The following FAF2 variants were observed in gnomAD, a reference collection of about 807,000 sequenced individuals.
The protein encoded by FAF2 is Fas associated factor family member 2, also known as FAS-associated factor 2.
In FAF2, 9 loss-of-function variants were observed where a neutral mutation model predicts 62.3. The ratio of observed to expected loss-of-function variants is 0.14; its 90% confidence interval spans 0.09 to 0.25. The LOEUF (loss-of-function observed/expected upper bound fraction) is 0.25. Among genes scored for constraint, FAF2 ranks in the 10% least tolerant of loss-of-function variants. The pLI is 1.00. For missense variants in FAF2, 368 were observed against 556.2 expected (o/e 0.66, Z 3.40); for synonymous variants, 202 against 198.0 (o/e 1.02, Z -0.17).
intron 1 of FAF2, among the ~76,000 whole-genome samples, chr5:176,466,848 C>G (rs1403920507): frequency 6.6e-6 from 1 of 152,214 alleles, no homozygotes. Flanking sequence ...ACACACTTCC[C>G]CAGTCTCCCC....
chr5:176,465,602 G>T (rs1299251729), intron 1 of FAF2, among the ~76,000 whole-genome samples: 1 of 151,842 alleles, frequency 6.6e-6, no homozygotes, highest in African/African-American at 2.4e-5. Flanking sequence ...CCTGACCTCA[G>T]GTGATCTGCC....
At chr5:176,501,813 G>T (rs1002044489) in intron 10 of FAF2, among the ~76,000 whole-genome samples, 1 of 152,152 alleles carries the variant, frequency 6.6e-6, no homozygotes, top group African/African-American at 2.4e-5. Flanking sequence ...GATTGCAGTG[G>T]CACTGTCGCA....
At chr5:176,477,159 A>T (rs1219879471) in intron 1 of FAF2, among the ~76,000 whole-genome samples, 1 of 121,968 alleles carries the variant, frequency 8.2e-6, no homozygotes, top group Non-Finnish European at 1.6e-5. Flanking sequence ...GTTAGCCAGG[A>T]TGGTCTGGAT....
intron 2 of FAF2, among the ~76,000 whole-genome samples, chr5:176,485,296 G>A (rs942615112): frequency 6.6e-6 from 1 of 152,162 alleles, no homozygotes; most frequent in Non-Finnish European, 1.5e-5. Context: ...GATTTGTTTG[G>A]CTGCCCACAT....
chr5:176,480,569 T>A (rs913645780), intron 2 of FAF2, among the ~76,000 whole-genome samples: 17 of 151,950 alleles, frequency 1.1e-4, no homozygotes, highest in African/African-American at 4.1e-4. Flanking sequence ...TGTAACACCA[T>A]GCCCAGCTGA....
rs1191002824 is a variant in FAF2, at chr5:176,499,091, G to A, written c.1011+6G>A. ...CAGAGGAGAGACGGCGGCAGGTAAT[G>A]GACGTGTGGCTTTACTCCCTGTGGT... On this transcript the variant is annotated splice_donor_region_variant and intron_variant, in intron 9 of 10. Coordinates refer to ENST00000261942, the MANE Select transcript of FAF2 (RefSeq NM_014613.3). The A allele has an allele frequency of 2.6e-6, 4 of 1,567,494 alleles. No individual in the cohort carries two copies. In the African/African-American group the frequency reaches 4.1e-5, roughly 16 times the overall value.
At chr5:176,489,586 A>C (rs1003638108) in intron 4 of FAF2, among the ~76,000 whole-genome samples, 4 of 152,036 alleles carry the variant, frequency 2.6e-5, no homozygotes, top group African/African-American at 7.3e-5. Context: ...CACCCAGGCT[A>C]GAGTGCAGTG....
chr5:176,457,860 A>G (rs1758303667), intron 1 of FAF2, among the ~76,000 whole-genome samples: 1 of 152,180 alleles, frequency 6.6e-6, no homozygotes, highest in South Asian at 2.1e-4. Flanking sequence ...ATATTTTTAA[A>G]TGTGTGTTTG....
chr5:176,478,508 C>A (rs547857395), intron 1 of FAF2, among the ~76,000 whole-genome samples: 1 of 151,502 alleles, frequency 6.6e-6, no homozygotes, highest in Non-Finnish European at 1.5e-5. Flanking sequence ...GTAGGGGGGT[C>A]GGTATGTTAG....
At chr5:176,481,729 C>G (rs921355907) in intron 2 of FAF2, among the ~76,000 whole-genome samples, 1 of 152,064 alleles carries the variant, frequency 6.6e-6, no homozygotes, top group African/African-American at 2.4e-5. Context: ...TTGATCATAG[C>G]TCACTGCAGT....
chr5:176,452,694 G>A (rs1351819278), intron 1 of FAF2, among the ~76,000 whole-genome samples: 1 of 152,218 alleles, frequency 6.6e-6, no homozygotes, highest in African/African-American at 2.4e-5. Context: ...GTGATGAACT[G>A]AAGAGTATTG....
chr5:176,452,198 C>T (rs1758200205), intron 1 of FAF2, among the ~76,000 whole-genome samples: 2 of 151,816 alleles, frequency 1.3e-5, no homozygotes, highest in Admixed American at 6.6e-5. Context: ...GCTGGGATTA[C>T]AAGTGCCTGC....
In FAF2 at chr5:176,448,398, C is replaced by G. The variant is rs745330844; in HGVS notation, c.-10C>G. 1.2e-6 allele frequency: 2 copies of G among 1,603,784 alleles called. No homozygotes were observed. Among genetic ancestry groups the G allele is most frequent in the Non-Finnish European group, 8.5e-7 (1 of 1,175,620 alleles). The stretch of plus-strand genomic sequence containing the variant: ...TGCGGACGGGTCAGGAGCGTAGAGG[C>G]GGCGGCAAAATGGCGGCGCCTGAGG... On this transcript the variant is annotated 5_prime_UTR_variant, in exon 1 of 11. Coordinates refer to ENST00000261942, the MANE Select transcript of FAF2 (RefSeq NM_014613.3).
At chr5:176,472,740 AGAAAG>A (rs1758595730) in intron 1 of FAF2, among the ~76,000 whole-genome samples, 1 of 151,268 alleles carries the variant, frequency 6.6e-6, no homozygotes, top group Non-Finnish European at 1.5e-5. Flanking sequence ...AAAAAAGAAA[AGAAAG>A]AAAGAAAAAA....
chr5:176,496,392 T>TA (rs1755483871), intron 7 of FAF2, 94 bp from the exon 8 acceptor site: 1 of 1,008,084 alleles, frequency 9.9e-7, no homozygotes, highest in Non-Finnish European at 1.4e-6. Flanking sequence ...CAACCAGGAT[T>TA]AAAACAGTTC....
Position 176,494,546 on chromosome 5 carries a change from T to C in FAF2, c.661+271T>C, listed in dbSNP as rs1759031582. 6.6e-6 allele frequency among the ~76,000 whole-genome samples: 1 copy of C among 152,140 alleles called. No individual in the cohort carries two copies. Among genetic ancestry groups the C allele is most frequent in the Admixed American group, 6.6e-5 (1 of 15,264 alleles). On this transcript the variant is annotated intron_variant, in intron 7 of 10. Transcript: ENST00000261942. The surrounding 1 kb of genome is among the most constrained non-coding windows in gnomAD (Gnocchi z 4.0). ...TAGCAAGTTTTATTTTTTTTGTTTT[T>C]ATTTAATTAATTAAAAAAATTTTTT...
At chr5:176,489,168 ATACAAC>A in intron 4 of FAF2, 141 bp downstream of exon 4, 1 of 572,504 alleles carries the variant, frequency 1.7e-6, no homozygotes, top group East Asian at 3.0e-5. Flanking sequence ...CTGTCTTTTA[ATACAAC>A]ATACAAGTAT....
At chr5:176,455,334 A>C (rs1420235704) in intron 1 of FAF2, among the ~76,000 whole-genome samples, 1 of 152,146 alleles carries the variant, frequency 6.6e-6, no homozygotes, top group Admixed American at 6.6e-5. Context: ...CTGTGATCCC[A>C]GCTACTTGGG....
At chr5:176,460,306 A>G (rs1451915219) in intron 1 of FAF2, among the ~76,000 whole-genome samples, 2 of 151,972 alleles carry the variant, frequency 1.3e-5, no homozygotes, top group Non-Finnish European at 2.9e-5. Flanking sequence ...TCTTTGAGAA[A>G]TCCCCAGACT....
Sources: gnomAD v4.1 joint callset for allele counts (sites outside exome capture counted in the v4.1 genomes callset) on GRCh38, gnomAD v4.1.1 for gene constraint, Gnocchi (gnomAD v3.1) non-coding constraint, MANE v1.5 for transcripts, NCBI Gene and HGNC (gene_info 2026-07-23, HGNC 2026-07-21) for gene names.